The following FAP variants were observed in gnomAD, a reference collection of about 807,000 sequenced individuals.
FAP encodes the protein fibroblast activation protein alpha, also known as prolyl endopeptidase FAP.
Under a neutral mutation model 126.5 loss-of-function variants are expected in FAP, and 110 were observed. That is an observed-to-expected ratio of 0.87 (90% CI 0.74 to 1.02). The LOEUF (loss-of-function observed/expected upper bound fraction) is 1.02, where lower values mean the gene tolerates loss of function less well. FAP is among the 50% of genes least tolerant of loss of function. The probability of loss-of-function intolerance (pLI) is 0.00; values close to 1 mark genes in which losing one functional copy is unlikely to be tolerated. For missense variants in FAP, 919 were observed against 909.2 expected (o/e 1.01, Z -0.14); for synonymous variants, 334 against 297.3 (o/e 1.12, Z -1.27).
At chr2:162,198,613 A>G in intron 16 of FAP, 144 bp downstream of exon 16, 1 of 1,083,438 alleles carries the variant, frequency 9.2e-7, no homozygotes, top group East Asian at 2.4e-5. Context: ...ATCCTCCTTT[A>G]ATTTTTTTTC....
intron 6 of FAP, chr2:162,221,689 T>C (rs998308734): frequency 2.2e-6 from 1 of 456,550 alleles, no homozygotes; most frequent in African/African-American, 2.0e-5. Context: ...AGCGCATGTC[T>C]CAAGCCATCA....
intron 17 of FAP, among the ~76,000 whole-genome samples, chr2:162,192,485 G>A (rs150665745): frequency 6.6e-6 from 1 of 151,966 alleles, no homozygotes; most frequent in Non-Finnish European, 1.5e-5. Context: ...CATTTCTCAA[G>A]TGTTGATGTT....
At position 162,215,926 on chromosome 2, in the gene FAP, C is replaced by G. The variant is rs202142356; in HGVS notation, c.838G>C (p.Val280Leu). The change falls in exon 10 of 26, where the codon GTG becomes CTG. Residue 280 changes from valine to leucine, a missense_variant. By Grantham distance (32) the Val-to-Leu change is conservative (BLOSUM62 1). Coordinates refer to ENST00000188790, the MANE Select transcript of FAP (RefSeq NM_004460.5). ...GAGGCTATCATTGCTGGAACAGGCA[C>G]TTCCTGGGGACCTACATACGCAGGG... ...TYPAYVGPQEVPVPAMIASSD... is the reference protein window; with the variant it reads ...TYPAYVGPQELPVPAMIASSD... 6.2e-7 allele frequency: 1 copy of G among 1,613,992 alleles called. No individual in the cohort carries two copies.
Position 162,203,043 on chromosome 2 carries a change from C to T in FAP, c.1150G>A (p.Val384Met). 1.2e-6 allele frequency: 2 copies of T among 1,610,494 alleles called. No homozygotes were observed. The highest frequency in any genetic ancestry group is 1.7e-6 in the Non-Finnish European group (2 of 1,176,814). ...YKHIHYIKDTVENAIQITSGK... is the reference protein window; with the variant it reads ...YKHIHYIKDTMENAIQITSGK... ...GATAAATCTTGGAAGGAACGTACCA[C>T]AGTGTCTTTGATATAGTGAATATGT... is the stretch of plus-strand genomic sequence containing the variant. The change falls in exon 13 of 26, where the codon GTG becomes ATG. Residue 384 changes from valine to methionine, a missense_variant and splice_region_variant. Transcript: ENST00000188790.
intron 2 of FAP, among the ~76,000 whole-genome samples, chr2:162,235,350 A>G (rs1387567570): frequency 6.6e-6 from 1 of 152,154 alleles, no homozygotes. Flanking sequence ...CCGGTGCGAG[A>G]TCCACTGGGT....
At chr2:162,207,854 G>A (rs1688768998) in intron 12 of FAP, among the ~76,000 whole-genome samples, 1 of 151,712 alleles carries the variant, frequency 6.6e-6, no homozygotes, top group African/African-American at 2.4e-5. Context: ...GGGACTACAG[G>A]CGCCCGCCAC....
intron 2 of FAP, among the ~76,000 whole-genome samples, 170 bp from the exon 3 acceptor site, chr2:162,226,791 C>T (rs77508932): frequency 0.031 from 4,698 of 152,146 alleles, 432 homozygotes; most frequent in Admixed American, 0.21. Flanking sequence ...GTAGTATCTC[C>T]TTTTTTGTAG....
At chr2:162,215,858 A>C in intron 10 of FAP, 40 bp downstream of exon 10, 1 of 1,421,592 alleles carries the variant, frequency 7.0e-7, no homozygotes, top group Non-Finnish European at 9.9e-7. Flanking sequence ...ATGCACTAGA[A>C]TATAGGATAG....
intron 9 of FAP, 139 bp downstream of exon 9, chr2:162,217,847 A>G (rs764667627): frequency 7.6e-6 from 4 of 527,250 alleles, no homozygotes; most frequent in Non-Finnish European, 1.3e-5. Context: ...TAAATAATAG[A>G]GCACAGTACA....
chr2:162,203,892 T>C (rs1211949925), intron 12 of FAP, among the ~76,000 whole-genome samples: 1 of 152,220 alleles, frequency 6.6e-6, no homozygotes, highest in African/African-American at 2.4e-5. Context: ...CTGCAAATGT[T>C]CTTACACCAA....
At chr2:162,178,285 G>T (rs1284813438) in intron 21 of FAP, among the ~76,000 whole-genome samples, 1 of 152,142 alleles carries the variant, frequency 6.6e-6, no homozygotes, top group Non-Finnish European at 1.5e-5. Flanking sequence ...AATAATTTAA[G>T]CAAAACCCTC....
At chr2:162,203,736 T>G (rs888151613) in intron 12 of FAP, among the ~76,000 whole-genome samples, 1 of 152,144 alleles carries the variant, frequency 6.6e-6, no homozygotes, top group African/African-American at 2.4e-5. Context: ...CTGACCTCAA[T>G]GCCCTGGTTT....
chr2:162,213,263 C>T (rs1280240874), intron 11 of FAP, among the ~76,000 whole-genome samples: 2 of 151,822 alleles, frequency 1.3e-5, no homozygotes, highest in Non-Finnish European at 2.9e-5. Flanking sequence ...GTAGTCCCAG[C>T]TACTCAGGAG....
chr2:162,194,966 G>A, intron 16 of FAP: 1 of 561,710 alleles, frequency 1.8e-6, no homozygotes. Flanking sequence ...TGTGAAAGAA[G>A]CCTTGCCTGT....
intron 16 of FAP, chr2:162,197,463 A>G (rs1688298110): frequency 2.3e-6 from 1 of 435,784 alleles, no homozygotes; most frequent in Non-Finnish European, 4.6e-6. Flanking sequence ...GTATACCTTT[A>G]AATGCCAGTA....
At chr2:162,189,864 C>T (rs1433984142) in intron 17 of FAP, 110 bp from the exon 18 acceptor site, 6 of 627,118 alleles carry the variant, frequency 9.6e-6, no homozygotes, top group African/African-American at 3.8e-5. Flanking sequence ...GTGAAAAGCT[C>T]GCTTAAGAAG....
At chr2:162,180,655 G>C (rs1687664660) in intron 21 of FAP, among the ~76,000 whole-genome samples, 1 of 152,218 alleles carries the variant, frequency 6.6e-6, no homozygotes, top group Non-Finnish European at 1.5e-5. Flanking sequence ...GTCAGGAACA[G>C]GAACAGGGGG....
intron 20 of FAP, among the ~76,000 whole-genome samples, chr2:162,186,138 C>A (rs952734310): frequency 6.6e-6 from 1 of 152,100 alleles, no homozygotes; most frequent in Non-Finnish European, 1.5e-5. Context: ...AGATTGCAAG[C>A]ACACTGAAAA....
Position 162,202,903 on chromosome 2 carries a change from T to A in FAP, c.1192A>T (p.Ile398Leu). ...IQITSGKWEA[I>L]NIFRVTQDSL... ...TCCTGTGTTACTCTGAATATATTTA[T>A]GGCCTCCCACTTGCCACTTGTAATT... The change falls in exon 14 of 26, where the codon ATA (isoleucine) becomes TTA (leucine). Residue 398 changes from isoleucine to leucine, a missense_variant. Coordinates refer to ENST00000188790, the MANE Select transcript of FAP (RefSeq NM_004460.5). The A allele has an allele frequency of 6.2e-7, 1 of 1,613,844 alleles. No individual in the cohort carries two copies. The highest frequency in any genetic ancestry group is 8.5e-7 in the Non-Finnish European group (1 of 1,179,732).
Sources: allele counts gnomAD v4.1 joint callset (sites outside exome capture counted in the v4.1 genomes callset), GRCh38; gene constraint gnomAD v4.1.1; transcripts MANE v1.5; gene names NCBI Gene and HGNC (gene_info 2026-07-23, HGNC 2026-07-21).